The following PBX1 variants were observed in gnomAD, a reference collection of about 807,000 sequenced individuals.
PBX1 encodes the protein PBX homeobox 1, also known as pre-B-cell leukemia transcription factor 1.
PBX1 carries 6 observed loss-of-function variants against 53.4 expected under a neutral mutation model. The observed-to-expected ratio is 0.11, with a 90% CI of 0.06 to 0.22. The LOEUF is 0.22. Ranked by LOEUF, PBX1 falls within the 10% of genes least tolerant of loss-of-function variation. The pLI, the probability that PBX1 is intolerant of heterozygous loss-of-function variation, is 1.00. For missense variants in PBX1, 251 were observed against 551.4 expected, an observed-to-expected ratio of 0.46 and a Z score of 5.46; for synonymous variants, 204 against 212.3, an observed-to-expected ratio of 0.96 and a Z score of 0.34.
chr1:164,674,145 G>A (rs1291532650), intron 2 of PBX1, among the ~76,000 whole-genome samples: 5 of 152,158 alleles, frequency 3.3e-5, no homozygotes, highest in Admixed American at 3.3e-4. Context: ...AAACCTCCAT[G>A]TCTGTGGTCC....
chr1:164,785,431 T>C (rs1476397372), intron 2 of PBX1, among the ~76,000 whole-genome samples: 2 of 152,186 alleles, frequency 1.3e-5, no homozygotes, highest in Non-Finnish European at 2.9e-5. Context: ...ATAGTTATTT[T>C]TCAACTTGAG....
At chr1:164,865,528 C>T (rs1672197291) in intron 2 of PBX1, among the ~76,000 whole-genome samples, 1 of 152,172 alleles carries the variant, frequency 6.6e-6, no homozygotes, top group East Asian at 1.9e-4. Context: ...TACCATGGAC[C>T]AGGCACAGTT....
Position 164,768,527 on chromosome 1 carries a change from G to A in PBX1, c.266-23967G>A, listed in dbSNP as rs538962940. Among the ~76,000 whole-genome samples, 8 of 152,272 alleles carry A rather than the reference G, an allele frequency of 5.3e-5. No homozygotes were observed. In the South Asian group the frequency reaches 1.2e-3, roughly 24 times the overall value. On this transcript the variant is annotated intron_variant, in intron 2 of 8. Coordinates refer to ENST00000420696, the MANE Select transcript of PBX1 (RefSeq NM_002585.4). ...TTGCTTTTGCTCCCTTAAATGTTTC[G>A]GAAATGTGACTTGGATTTATAGATT...
In PBX1 at chr1:164,847,132, C is replaced by T. The variant is rs533063454; in HGVS notation, c.*456C>T. The T allele has an allele frequency of 1.2e-5, 13 of 1,092,434 alleles. No homozygotes were observed. In the African/African-American group the frequency reaches 2.1e-4, roughly 17 times the overall value. The allele number at this position is 1,092,434 out of a possible 1,614,324, so 67.7% of individuals were successfully genotyped here. A position where few individuals can be genotyped will look rare whatever the true frequency, so the allele number is the denominator to read the frequency against. On this transcript the variant is annotated 3_prime_UTR_variant, in exon 9 of 9. Transcript: ENST00000420696. ...TCGAATCCCTCACTCCCTATGTTAA[C>T]AGGCAATCCTTCTCTGTTTCTCTTA...
chr1:164,586,605 G>A (rs189352818), intron 2 of PBX1, among the ~76,000 whole-genome samples: 41 of 152,284 alleles, frequency 2.7e-4, no homozygotes, highest in African/African-American at 9.4e-4. Context: ...TGAGATGGGC[G>A]TAAAATGCTT....
intron 2 of PBX1, among the ~76,000 whole-genome samples, chr1:164,698,207 C>T (rs1477006370): frequency 5.3e-5 from 8 of 152,056 alleles, no homozygotes; most frequent in African/African-American, 4.8e-5. Context: ...CACGGTCCCT[C>T]GGGTAGCAGT....
At chr1:164,591,013 T>G in intron 2 of PBX1, among the ~76,000 whole-genome samples, 1 of 29,302 alleles carries the variant, frequency 3.4e-5, no homozygotes, top group South Asian at 2.6e-3. Context: ...CTTGGCTAAT[T>G]TTTTTTTTTT....
intron 2 of PBX1, among the ~76,000 whole-genome samples, chr1:164,742,280 G>A (rs978704467): frequency 1.3e-5 from 2 of 152,106 alleles, no homozygotes; most frequent in East Asian, 1.9e-4. Context: ...GGTGGCTCAC[G>A]CCTGTAATCC....
chr1:164,575,565 A>T (rs1469124577), intron 2 of PBX1, among the ~76,000 whole-genome samples: 2 of 152,108 alleles, frequency 1.3e-5, no homozygotes, highest in Non-Finnish European at 2.9e-5. Context: ...CCTCCTTATA[A>T]TTACCATTGT....
At chr1:164,560,399 C>T in intron 1 of PBX1, 1 of 394,080 alleles carries the variant, frequency 2.5e-6, no homozygotes, top group Non-Finnish European at 4.5e-6. Flanking sequence ...CATTCCATGC[C>T]TTCTTGTTGA....
chr1:164,854,634 G>T (rs1671938839), downstream of PBX1, among the ~76,000 whole-genome samples: 1 of 152,052 alleles, frequency 6.6e-6, no homozygotes, highest in South Asian at 2.1e-4. Context: ...TCAACCTATG[G>T]CTTCCAGCCT....
intron 1 of PBX1, 122 bp downstream of exon 1, chr1:164,560,135 A>C: frequency 5.9e-5 from 45 of 762,260 alleles, no homozygotes; most frequent in Non-Finnish European, 8.5e-5. Context: ...TTCTTTTCTC[A>C]TTTTGACAAG....
chr1:164,576,515 C>A (rs1481199854), intron 2 of PBX1, among the ~76,000 whole-genome samples: 3 of 152,208 alleles, frequency 2.0e-5, no homozygotes, highest in Non-Finnish European at 2.9e-5. Context: ...CAGCGCAGGC[C>A]GCACGTCACC....
chr1:164,882,405 G>A (rs1029000502), intron 2 of PBX1, among the ~76,000 whole-genome samples: 8 of 152,072 alleles, frequency 5.3e-5, no homozygotes, highest in African/African-American at 1.7e-4. Context: ...CTTAAGCCAT[G>A]GGATAATATT....
chr1:164,802,250 A>G (rs1405563813), intron 4 of PBX1, among the ~76,000 whole-genome samples: 2 of 152,218 alleles, frequency 1.3e-5, no homozygotes, highest in African/African-American at 4.8e-5. Flanking sequence ...ATTATCGCAC[A>G]GTTTCTGTTG....
At chr1:164,878,277 A>C (rs1453559715) in intron 2 of PBX1, among the ~76,000 whole-genome samples, 1 of 152,178 alleles carries the variant, frequency 6.6e-6, no homozygotes, top group African/African-American at 2.4e-5. Context: ...ATATAGGTAA[A>C]CTGCATAGCA....
intron 2 of PBX1, among the ~76,000 whole-genome samples, chr1:164,734,054 T>C (rs775610076): frequency 3.9e-5 from 6 of 152,230 alleles, no homozygotes; most frequent in Non-Finnish European, 8.8e-5. Flanking sequence ...ATTCATTTTG[T>C]ATGTGTGCTC....
intron 2 of PBX1, among the ~76,000 whole-genome samples, chr1:164,738,592 A>G (rs780076653): frequency 9.2e-5 from 14 of 152,222 alleles, no homozygotes; most frequent in Non-Finnish European, 1.5e-4. Context: ...ATTTAATTTC[A>G]TAAGAAACAA....
chr1:164,567,255 A>G (rs890267705), intron 2 of PBX1, among the ~76,000 whole-genome samples: 3 of 152,172 alleles, frequency 2.0e-5, no homozygotes, highest in African/African-American at 7.2e-5. Context: ...CGGGAAGAGA[A>G]TTCTGATGGT....
Sources: gnomAD v4.1 joint callset for allele counts (sites outside exome capture counted in the v4.1 genomes callset) on GRCh38, gnomAD v4.1.1 for gene constraint, MANE v1.5 for transcripts, NCBI Gene and HGNC (gene_info 2026-07-23, HGNC 2026-07-21) for gene names.